The following RANBP17 variants were observed in gnomAD, a reference collection of about 807,000 sequenced individuals.
RANBP17 encodes RAN binding protein 17, also known as ran-binding protein 17.
RANBP17 carries 158 observed loss-of-function variants against 141.2 expected under a neutral mutation model. The observed-to-expected ratio is 1.12, with a 90% CI of 0.98 to 1.28. The LOEUF (loss-of-function observed/expected upper bound fraction) is 1.28, where lower values mean the gene tolerates loss of function less well. Ranked by LOEUF, RANBP17 falls within the 50% of genes most tolerant of loss-of-function variation. The pLI is 0.00. For synonymous variants in RANBP17, 430 were observed against 450.0 expected (o/e 0.96, Z 0.56); for missense variants, 1,438 against 1,290.7 (o/e 1.11, Z -1.75).
At chr5:171,042,656 G>T (rs79869004) in intron 14 of RANBP17, among the ~76,000 whole-genome samples, 3,951 of 152,202 alleles carry the variant, frequency 0.026, 153 homozygotes, top group African/African-American at 0.089. Context: ...GGATTAAAAG[G>T]TTCTAACTAG....
At chr5:170,978,132 G>T (rs759733981) in intron 14 of RANBP17, among the ~76,000 whole-genome samples, 2 of 152,102 alleles carry the variant, frequency 1.3e-5, no homozygotes, top group Non-Finnish European at 2.9e-5. Flanking sequence ...CATCATCAGA[G>T]AAATACTAAT....
chr5:171,235,667 T>C (rs1032259171), intron 22 of RANBP17, among the ~76,000 whole-genome samples: 2 of 152,154 alleles, frequency 1.3e-5, no homozygotes, highest in African/African-American at 4.8e-5. Context: ...AGTGGTGTGA[T>C]CATGGCTCAC....
chr5:171,047,987 A>G (rs1383313925), intron 14 of RANBP17, among the ~76,000 whole-genome samples: 1 of 152,216 alleles, frequency 6.6e-6, no homozygotes, highest in Non-Finnish European at 1.5e-5. Context: ...TAAAAGTGAT[A>G]GAATTTTATA....
intron 14 of RANBP17, among the ~76,000 whole-genome samples, chr5:171,036,900 A>G (rs956373408): frequency 6.6e-6 from 1 of 152,180 alleles, no homozygotes; most frequent in African/African-American, 2.4e-5. Flanking sequence ...CAGTGAACAT[A>G]TGAGTACATG....
chr5:171,219,469 A>G (rs928022734), intron 21 of RANBP17, among the ~76,000 whole-genome samples: 1 of 152,138 alleles, frequency 6.6e-6, no homozygotes, highest in Non-Finnish European at 1.5e-5. Flanking sequence ...CTTTTGGATA[A>G]TATCCTGAAA....
In RANBP17 at chr5:170,914,231, A is replaced by G. The variant is rs1239145634; in HGVS notation, c.825A>G (p.Leu275=). The G allele has an allele frequency of 4.4e-6, 7 of 1,595,234 alleles. No individual in the cohort carries two copies. The highest frequency in any genetic ancestry group is 1.1e-5 in the South Asian group (1 of 90,656). Residue 275 remains leucine, a synonymous_variant, in exon 8 of 28, where the codon CTA becomes CTG. Transcript: ENST00000523189. ...TGTATCATTCACTTCCACCACTACT[A>G]TCTCAGTTAGTAAGTAAAAGTCATT... ...FNLYHSLPPL[L]SQLALSCLVQ...
chr5:171,001,912 T>C (rs1283728695), intron 14 of RANBP17, among the ~76,000 whole-genome samples: 2 of 152,192 alleles, frequency 1.3e-5, no homozygotes, highest in East Asian at 3.9e-4. Flanking sequence ...AGTGAAAGCA[T>C]CTACCGAGAC....
chr5:170,947,720 T>A (rs1774875450), intron 12 of RANBP17, among the ~76,000 whole-genome samples: 1 of 152,134 alleles, frequency 6.6e-6, no homozygotes, highest in South Asian at 2.1e-4. Context: ...GTGTATACTC[T>A]ATCTAGTTGG....
At chr5:170,959,114 G>T (rs1434561569) in intron 13 of RANBP17, among the ~76,000 whole-genome samples, 1 of 152,150 alleles carries the variant, frequency 6.6e-6, no homozygotes, top group Non-Finnish European at 1.5e-5. Flanking sequence ...TTGAGTGCTA[G>T]CTTCTTTCAG....
chr5:170,905,414 A>G (rs988273878), intron 5 of RANBP17, among the ~76,000 whole-genome samples: 3 of 152,084 alleles, frequency 2.0e-5, no homozygotes, highest in Non-Finnish European at 2.9e-5. Flanking sequence ...TCACTTGCCA[A>G]CTCCCTTTGG....
chr5:170,909,024 T>C (rs1367317693), intron 5 of RANBP17, among the ~76,000 whole-genome samples: 2 of 151,928 alleles, frequency 1.3e-5, no homozygotes, highest in African/African-American at 4.8e-5. Flanking sequence ...ACTAATGGTA[T>C]GAATAGTATA....
intron 14 of RANBP17, among the ~76,000 whole-genome samples, chr5:170,980,489 G>A (rs1004443715): frequency 3.1e-4 from 47 of 152,298 alleles, no homozygotes; most frequent in African/African-American, 1.1e-3. Context: ...GGGTCCCCAT[G>A]CTGTGTGCAG....
At chr5:171,160,424 T>G (rs961855259) in intron 14 of RANBP17, among the ~76,000 whole-genome samples, 1 of 152,216 alleles carries the variant, frequency 6.6e-6, no homozygotes, top group African/African-American at 2.4e-5. Context: ...GTAATACTTA[T>G]GAAAATTTTA....
intron 14 of RANBP17, among the ~76,000 whole-genome samples, chr5:171,041,225 T>C (rs1439490975): frequency 6.6e-6 from 1 of 152,102 alleles, no homozygotes; most frequent in Non-Finnish European, 1.5e-5. Flanking sequence ...TTGGGGGTCA[T>C]GTTATTAATT....
At chr5:171,125,934 C>T (rs553267084) in intron 14 of RANBP17, among the ~76,000 whole-genome samples, 10 of 152,034 alleles carry the variant, frequency 6.6e-5, no homozygotes, top group South Asian at 4.2e-4. Context: ...GTTACAGGCG[C>T]GCACCACCAC....
At chr5:171,200,266 G>A (rs1762225891) in intron 19 of RANBP17, among the ~76,000 whole-genome samples, 1 of 152,074 alleles carries the variant, frequency 6.6e-6, no homozygotes. Flanking sequence ...ATTCTTAAAC[G>A]GAACAAAGTG....
chr5:171,062,328 T>C (rs1644533353), intron 14 of RANBP17, among the ~76,000 whole-genome samples: 1 of 152,234 alleles, frequency 6.6e-6, no homozygotes, highest in South Asian at 2.1e-4. Context: ...TAGTGCTTCC[T>C]TCAGGAGCTC....
At chr5:171,056,844 C>G (rs1295617650) in intron 14 of RANBP17, among the ~76,000 whole-genome samples, 1 of 152,108 alleles carries the variant, frequency 6.6e-6, no homozygotes, top group African/African-American at 2.4e-5. Flanking sequence ...AGCCAAAAAC[C>G]TTTACTCATT....
rs534381378 is a variant in RANBP17 at position 171,142,358 on chromosome 5, C to A, written c.1711-27772C>A. Among the ~76,000 whole-genome samples the A allele has an allele frequency of 2.6e-5, 4 of 152,234 alleles. No homozygotes were observed. In the East Asian group the frequency reaches 7.7e-4, roughly 29 times the overall value. ...AAAATATTGTTAGAGTACAACTATA[C>A]AGCTCTAGATCCCTAACTGGATGTT... is the stretch of plus-strand genomic sequence containing the variant. On this transcript the variant is annotated intron_variant, in intron 14 of 27. Coordinates refer to ENST00000523189, the MANE Select transcript of RANBP17 (RefSeq NM_022897.5).
Sources: allele counts gnomAD v4.1 joint callset (sites outside exome capture counted in the v4.1 genomes callset), GRCh38; gene constraint gnomAD v4.1.1; transcripts MANE v1.5; gene names NCBI Gene and HGNC (gene_info 2026-07-23, HGNC 2026-07-21).